LRMDA: variants seen among roughly 807,000 people sequenced by gnomAD.
LRMDA encodes the protein leucine-rich melanocyte differentiation-associated protein.
A neutral mutation model predicts 29.8 loss-of-function variants in LRMDA; 18 were observed. The observed-to-expected ratio is 0.60, with a 90% CI of 0.42 to 0.90. The LOEUF (loss-of-function observed/expected upper bound fraction) is 0.90, where lower values mean the gene tolerates loss of function less well. Among genes scored for constraint, LRMDA ranks in the 40% least tolerant of loss-of-function variants. The probability of loss-of-function intolerance (pLI) is 0.00; values close to 1 mark genes in which losing one functional copy is unlikely to be tolerated. For synonymous variants in LRMDA, 125 were observed against 109.4 expected (o/e 1.14, Z -0.89); for missense variants, 273 against 273.9 (o/e 1.00, Z 0.02).
chr10:76,434,059 A>T (rs1842218746), intron 6 of LRMDA, among the ~76,000 whole-genome samples: 1 of 152,184 alleles, frequency 6.6e-6, no homozygotes, highest in African/African-American at 2.4e-5. Flanking sequence ...ATTAAAATCC[A>T]AAAGGGTTAG....
At chr10:75,663,993 C>A (rs552903167) in intron 2 of LRMDA, among the ~76,000 whole-genome samples, 10 of 152,314 alleles carry the variant, frequency 6.6e-5, no homozygotes, top group African/African-American at 2.4e-4. Flanking sequence ...TCTTTCCTAT[C>A]TGTCTCTTCT....
chr10:75,682,035 C>T (rs1348498117), intron 2 of LRMDA, among the ~76,000 whole-genome samples: 1 of 152,168 alleles, frequency 6.6e-6, no homozygotes, highest in Non-Finnish European at 1.5e-5. Context: ...TTGCTTTCAG[C>T]TTTCTTGTGA....
At chr10:76,149,376 G>A (rs1231610264) in intron 5 of LRMDA, among the ~76,000 whole-genome samples, 1 of 152,188 alleles carries the variant, frequency 6.6e-6, no homozygotes, top group African/African-American at 2.4e-5. Flanking sequence ...AGCTCTGTAA[G>A]TGATTGGCTG....
intron 5 of LRMDA, among the ~76,000 whole-genome samples, chr10:76,159,045 A>C (rs1564670372): frequency 6.6e-6 from 1 of 152,210 alleles, no homozygotes; most frequent in Non-Finnish European, 1.5e-5. Context: ...GTACAAGCTC[A>C]TATCCATTAT....
intron 2 of LRMDA, among the ~76,000 whole-genome samples, chr10:75,825,942 A>G (rs1001165706): frequency 4.6e-5 from 7 of 152,208 alleles, no homozygotes; most frequent in Non-Finnish European, 1.0e-4. Flanking sequence ...TGGAACGTCA[A>G]AGTCAAGACA....
chr10:76,336,581 G>A (rs1323874587), intron 6 of LRMDA, among the ~76,000 whole-genome samples: 2 of 152,208 alleles, frequency 1.3e-5, no homozygotes, highest in Admixed American at 1.3e-4. Context: ...AAGAGGGGGT[G>A]GGGAGCCAGG....
chr10:75,591,235 C>T (rs1227268227), intron 2 of LRMDA, among the ~76,000 whole-genome samples: 1 of 152,110 alleles, frequency 6.6e-6, no homozygotes, highest in Non-Finnish European at 1.5e-5. Flanking sequence ...GACTGCCCCC[C>T]CACCCCATAA....
intron 5 of LRMDA, among the ~76,000 whole-genome samples, chr10:76,226,429 A>C (rs1178755126): frequency 6.6e-6 from 1 of 151,792 alleles, no homozygotes; most frequent in Non-Finnish European, 1.5e-5. Context: ...CTAATAATAC[A>C]AAAATTAGCC....
At chr10:76,148,724 A>G (rs1023207007) in intron 5 of LRMDA, among the ~76,000 whole-genome samples, 56 of 152,266 alleles carry the variant, frequency 3.7e-4, no homozygotes, top group Non-Finnish European at 8.8e-5. Flanking sequence ...GGCACTCCCC[A>G]GTGAGATGAA....
At chr10:76,390,941 G>A (rs1330810076) in intron 6 of LRMDA, among the ~76,000 whole-genome samples, 1 of 152,128 alleles carries the variant, frequency 6.6e-6, no homozygotes, top group African/African-American at 2.4e-5. Flanking sequence ...GAGAGAGTTA[G>A]CATTCTTGGT....
At chr10:75,727,108 T>C (rs1369354836) in intron 2 of LRMDA, among the ~76,000 whole-genome samples, 1 of 152,220 alleles carries the variant, frequency 6.6e-6, no homozygotes, top group African/African-American at 2.4e-5. Context: ...TTTCCTCCCT[T>C]GAATAATTTT....
At chr10:75,495,506 A>T (rs16932305) in intron 2 of LRMDA, among the ~76,000 whole-genome samples, 9,154 of 152,188 alleles carry the variant, frequency 0.06, 805 homozygotes, top group African/African-American at 0.2. Flanking sequence ...TACAGAGGAA[A>T]AAGTGACCAA....
intron 5 of LRMDA, among the ~76,000 whole-genome samples, chr10:76,174,380 G>A (rs1181663815): frequency 1.3e-5 from 2 of 152,008 alleles, no homozygotes; most frequent in Non-Finnish European, 2.9e-5. Context: ...ATGCAAAAAA[G>A]TTTTAAAGAT....
At chr10:75,626,178 T>TTAGC (rs1361409573) in intron 2 of LRMDA, among the ~76,000 whole-genome samples, 1 of 152,032 alleles carries the variant, frequency 6.6e-6, no homozygotes. Context: ...ATGCTCTATT[T>TTAGC]TAGCTACTCA....
At chr10:76,245,757 A>G (rs1009796459) in intron 5 of LRMDA, among the ~76,000 whole-genome samples, 2 of 152,240 alleles carry the variant, frequency 1.3e-5, no homozygotes, top group Non-Finnish European at 2.9e-5. Context: ...CCCTTATACT[A>G]TGACAGCTCT....
intron 5 of LRMDA, among the ~76,000 whole-genome samples, chr10:76,159,368 G>C (rs542327710): frequency 1.2e-4 from 18 of 152,252 alleles, no homozygotes; most frequent in Middle Eastern, 3.4e-3. Context: ...CCAAAATCTA[G>C]AACACTGACA....
intron 5 of LRMDA, among the ~76,000 whole-genome samples, chr10:76,165,497 C>T (rs1158975466): frequency 1.3e-5 from 2 of 152,184 alleles, no homozygotes; most frequent in Non-Finnish European, 2.9e-5. Flanking sequence ...GCCTCAAATG[C>T]CTGACTTCAA....
chr10:76,481,395 G>A (rs1170892453), intron 6 of LRMDA, among the ~76,000 whole-genome samples: 1 of 151,840 alleles, frequency 6.6e-6, no homozygotes, highest in Non-Finnish European at 1.5e-5. Flanking sequence ...AGAGATGAAG[G>A]CTGGCTTTTT....
chr10:76,228,123 G>A (rs1231596890), intron 5 of LRMDA, among the ~76,000 whole-genome samples: 3 of 151,784 alleles, frequency 2.0e-5, no homozygotes, highest in Non-Finnish European at 4.4e-5. Context: ...CCGGGTTCAA[G>A]TGATTCTCCT....
Sources: allele counts gnomAD v4.1 joint callset (sites outside exome capture counted in the v4.1 genomes callset), GRCh38; gene constraint gnomAD v4.1.1; transcripts MANE v1.5; gene names NCBI Gene and HGNC (gene_info 2026-07-23, HGNC 2026-07-21).